Variants in LIMS2 observed in about 807,000 individuals in gnomAD.
LIMS2 encodes LIM and senescent cell antigen-like-containing domain protein 2.
Under a neutral mutation model 45.3 loss-of-function variants are expected in LIMS2, and 30 were observed. That is an observed-to-expected ratio of 0.66 (90% CI 0.50 to 0.90). LIMS2 has a LOEUF of 0.90. Among genes scored for constraint, LIMS2 ranks in the 40% least tolerant of loss-of-function variants. The pLI is 0.00. For missense variants in LIMS2, 485 were observed against 468.7 expected (o/e 1.03, Z -0.32); for synonymous variants, 173 against 188.0 (o/e 0.92, Z 0.65).
At position 127,672,016 on chromosome 2, in the gene LIMS2, C is replaced by G. The variant is rs575965200; in HGVS notation, c.11+2998G>C. ...GATATGAGGGCAGGGATCTAGCAGC[C>G]TGCTCTGCGCTGTACTAAGCATGGG... On this transcript the variant is annotated intron_variant, in intron 1 of 9. Coordinates refer to ENST00000355119, the MANE Select transcript of LIMS2 (RefSeq NM_001161403.3). The surrounding 1 kb of genome is among the most constrained non-coding windows in gnomAD (Gnocchi z 4.9). Among the ~76,000 whole-genome samples, 5 of 152,238 alleles carry G rather than the reference C, an allele frequency of 3.3e-5. No homozygotes were observed. The highest frequency in any genetic ancestry group is 4.8e-5 in the African/African-American group (2 of 41,462).
intron 4 of LIMS2, among the ~76,000 whole-genome samples, chr2:127,648,981 G>A (rs1419694207): frequency 8.4e-5 from 2 of 23,798 alleles, no homozygotes; most frequent in African/African-American, 1.6e-4. Flanking sequence ...AGGGGAGGGA[G>A]GGGAGGGGAG....
At chr2:127,650,980 T>C (rs755509464) in intron 4 of LIMS2, 1 of 1,613,750 alleles carries the variant, frequency 6.2e-7, no homozygotes, top group East Asian at 2.2e-5. Context: ...TCGTGCGTGC[T>C]GGTCCTGCCC....
In LIMS2 at chr2:127,670,259, A is replaced by G. The variant is rs190182112; in HGVS notation, c.11+4755T>C. On this transcript the variant is annotated intron_variant, in intron 1 of 9. Transcript: ENST00000355119. Reference sequence around the variant, plus strand: ...GTCTACCACGGATGAAGGAAGAAACAAACTATGGCACAATGGAATATTATT... The same window carrying G: ...GTCTACCACGGATGAAGGAAGAAACGAACTATGGCACAATGGAATATTATT... Among the ~76,000 whole-genome samples, 22 of 152,372 alleles carry G rather than the reference A, an allele frequency of 1.4e-4. No homozygotes were observed. In the East Asian group the frequency reaches 1.9e-3, roughly 13 times the overall value.
rs1205364620 is a variant in LIMS2, at chr2:127,642,391, T to C, written c.510-192A>G. The C allele has an allele frequency of 6.8e-6, 4 of 591,046 alleles. No homozygotes were observed. The highest frequency in any genetic ancestry group is 6.0e-5 in the East Asian group (2 of 33,262). The allele number at this position is 591,046 out of a possible 1,614,324, so 36.6% of individuals were successfully genotyped here. Reference sequence around the variant, plus strand: ...CCCAGACAGGCCCTGGAGCACAGACTTCCTGCACAGCCCAGAAGAGTGGGC... The same window carrying C: ...CCCAGACAGGCCCTGGAGCACAGACCTCCTGCACAGCCCAGAAGAGTGGGC... On this transcript the variant is annotated intron_variant, in intron 5 of 9. Coordinates refer to ENST00000355119, the MANE Select transcript of LIMS2 (RefSeq NM_001161403.3). This position sits in a 1 kb window ranked among gnomAD's most constrained non-coding sequence, Gnocchi z 5.3.
At chr2:127,651,267 A>G (rs1683748820) in intron 4 of LIMS2, 1 of 1,606,502 alleles carries the variant, frequency 6.2e-7, no homozygotes, top group Non-Finnish European at 8.5e-7. Context: ...GACCAACCAC[A>G]CGGTGGTCTG....
At chr2:127,655,084 G>T (rs898938426) in intron 2 of LIMS2, 188 bp from the exon 3 acceptor site, 7 of 659,748 alleles carry the variant, frequency 1.1e-5, no homozygotes, top group Non-Finnish European at 1.9e-5. Context: ...GGATGGTGGG[G>T]TGCAAAGGGA....
At chr2:127,680,203 G>A (rs60556157), upstream of LIMS2, among the ~76,000 whole-genome samples, 246 of 152,330 alleles carry the variant, frequency 1.6e-3, no homozygotes, top group African/African-American at 5.6e-3. Flanking sequence ...CGGCTCCCTG[G>A]GCCAAAGGAA....
chr2:127,649,282 G>A (rs1191717429), intron 4 of LIMS2, among the ~76,000 whole-genome samples: 3 of 152,226 alleles, frequency 2.0e-5, no homozygotes, highest in East Asian at 3.9e-4. Flanking sequence ...AGCCAGGCTC[G>A]CCCAGGATGA....
intron 4 of LIMS2, chr2:127,651,063 C>A (rs778017229): frequency 6.2e-7 from 1 of 1,613,790 alleles, no homozygotes; most frequent in Admixed American, 1.7e-5. Flanking sequence ...CACCGGCTTC[C>A]TCTTCTACCT....
chr2:127,661,257 C>G (rs1237608039), intron 1 of LIMS2, among the ~76,000 whole-genome samples: 3 of 152,220 alleles, frequency 2.0e-5, no homozygotes, highest in Non-Finnish European at 4.4e-5. Flanking sequence ...CTCACGTTCT[C>G]TTTTGTAAAG....
At chr2:127,678,163 G>A (rs868237657), upstream of LIMS2, among the ~76,000 whole-genome samples, 35 of 152,292 alleles carry the variant, frequency 2.3e-4, no homozygotes, top group Middle Eastern at 3.4e-3. This position sits in a 1 kb window ranked among gnomAD's most constrained non-coding sequence, Gnocchi z 5.3. Context: ...AAATCAAGAT[G>A]AGCCGATGTG....
chr2:127,671,055 C>T lies in LIMS2; in HGVS notation c.11+3959G>A, dbSNP rs1197329107. On this transcript the variant is annotated intron_variant, in intron 1 of 9. Coordinates refer to ENST00000355119, the MANE Select transcript of LIMS2 (RefSeq NM_001161403.3). The surrounding 1 kb of genome is among the most constrained non-coding windows in gnomAD (Gnocchi z 4.1). The stretch of plus-strand genomic sequence containing the variant: ...TTCACCTTCAGAAATGTACACGCTA[C>T]ACCTCAACAGAACAAGCAAGACAGT... 6.6e-6 allele frequency among the ~76,000 whole-genome samples: 1 copy of T among 152,212 alleles called. No homozygotes were observed. Among genetic ancestry groups the T allele is most frequent in the Non-Finnish European group, 1.5e-5 (1 of 68,028 alleles).
chr2:127,674,622 G>C (rs896985765), intron 1 of LIMS2: 8 of 985,076 alleles, frequency 8.1e-6, no homozygotes, highest in Non-Finnish European at 9.6e-6. Flanking sequence ...GACACTCACC[G>C]GGATCGGGGA....
chr2:127,660,390 T>C (rs975277456), intron 1 of LIMS2, among the ~76,000 whole-genome samples: 1 of 152,198 alleles, frequency 6.6e-6, no homozygotes, highest in African/African-American at 2.4e-5. Context: ...TGCACGTTCT[T>C]TGGGTCTGCG....
intron 2 of LIMS2, among the ~76,000 whole-genome samples, chr2:127,656,249 T>TTAACG (rs1684241521): frequency 6.6e-6 from 1 of 152,194 alleles, no homozygotes; most frequent in African/African-American, 2.4e-5. Context: ...TGTTGATGAT[T>TTAACG]TAACGACTGC....
At chr2:127,639,665 T>C (rs2105184487) in intron 9 of LIMS2, among the ~76,000 whole-genome samples, 1 of 152,106 alleles carries the variant, frequency 6.6e-6, no homozygotes, top group East Asian at 1.9e-4. Context: ...CCTCTATGCC[T>C]CCCCACAGCC....
chr2:127,661,448 A>C (rs1215342878), intron 1 of LIMS2, among the ~76,000 whole-genome samples: 2 of 152,230 alleles, frequency 1.3e-5, no homozygotes, highest in Non-Finnish European at 2.9e-5. Context: ...GAAGGCCTGC[A>C]GGCTGCCTGC....
rs184817037 is a variant in LIMS2, at chr2:127,669,282, T to C, written c.11+5732A>G. On this transcript the variant is annotated intron_variant, in intron 1 of 9. Coordinates refer to ENST00000355119, the MANE Select transcript of LIMS2 (RefSeq NM_001161403.3). ...CATTTCATGAGCCAGGATTAGGCAA[T>C]AGTTTCCTAAACATGACAAAAAAAA... 1.8e-3 allele frequency among the ~76,000 whole-genome samples: 274 copies of C among 152,180 alleles called. 4 individuals carry two copies. Among genetic ancestry groups the C allele is most frequent in the African/African-American group, 5.9e-3 (243 of 41,526 alleles).
rs1573806997 is a variant in LIMS2 at position 127,653,598 on chromosome 2, G to A, written c.359+826C>T. Among the ~76,000 whole-genome samples, 1 of 152,104 alleles carries A rather than the reference G, an allele frequency of 6.6e-6. No individual in the cohort carries two copies. Among genetic ancestry groups the A allele is most frequent in the Non-Finnish European group, 1.5e-5 (1 of 68,024 alleles). On this transcript the variant is annotated intron_variant, in intron 4 of 9. Coordinates refer to ENST00000355119, the MANE Select transcript of LIMS2 (RefSeq NM_001161403.3). This position sits in a 1 kb window ranked among gnomAD's most constrained non-coding sequence, Gnocchi z 5.3. The stretch of plus-strand genomic sequence containing the variant: ...CAGGGAGAAAGGTGACTCAGAGGAG[G>A]GGAGTGAGCAGGTGCAGCTGTGGGG...
Sources: gnomAD v4.1 joint callset for allele counts (sites outside exome capture counted in the v4.1 genomes callset) on GRCh38, gnomAD v4.1.1 for gene constraint, Gnocchi (gnomAD v3.1) non-coding constraint, MANE v1.5 for transcripts, NCBI Gene and HGNC (gene_info 2026-07-23, HGNC 2026-07-21) for gene names.